The following TESK2 variants were observed in gnomAD, a reference collection of about 807,000 sequenced individuals.
TESK2 encodes the protein dual specificity testis-specific protein kinase 2.
In TESK2, 39 loss-of-function variants were observed where a neutral mutation model predicts 57.1. The ratio of observed to expected loss-of-function variants is 0.68; its 90% CI spans 0.53 to 0.89. The LOEUF (loss-of-function observed/expected upper bound fraction) is 0.89. TESK2 is among the 40% of genes least tolerant of loss of function. TESK2 has a pLI of 0.00. For synonymous variants in TESK2, 249 were observed against 267.9 expected (o/e 0.93, Z 0.69); for missense variants, 646 against 732.1 (o/e 0.88, Z 1.36).
At chr1:45,385,486 G>C (rs1648851412) in intron 4 of TESK2, 1 of 282,018 alleles carries the variant, frequency 3.5e-6, no homozygotes, top group Non-Finnish European at 5.3e-6. Flanking sequence ...TTACCAGGTG[G>C]TCTGGTAATT....
intron 1 of TESK2, among the ~76,000 whole-genome samples, chr1:45,484,686 T>A (rs1653383265): frequency 6.6e-6 from 1 of 151,014 alleles, no homozygotes; most frequent in Admixed American, 6.6e-5. Context: ...AAGCCGAGAC[T>A]GCGCCACTGC....
Position 45,468,579 on chromosome 1 carries a change from T to C in TESK2, c.-86-10708A>G, listed in dbSNP as rs1330103991. The stretch of plus-strand genomic sequence containing the variant: ...AAGAAAATACATTATTTCAAATATA[T>C]GACATTTTATGATGGTTTCTGCCTC... On this transcript the variant is annotated intron_variant, in intron 1 of 10. Coordinates refer to ENST00000372086, the MANE Select transcript of TESK2 (RefSeq NM_007170.3). Among the ~76,000 whole-genome samples, 15 of 152,332 alleles carry C rather than the reference T, an allele frequency of 9.8e-5. No individual in the cohort carries two copies. In the East Asian group the frequency reaches 2.9e-3, roughly 29 times the overall value.
intron 1 of TESK2, among the ~76,000 whole-genome samples, chr1:45,474,683 G>C (rs1399463562): frequency 6.6e-6 from 1 of 151,500 alleles, no homozygotes; most frequent in African/African-American, 2.4e-5. Flanking sequence ...ATGTTGGTCA[G>C]GCTAGTCTCG....
At chr1:45,420,723 T>C (rs1650437484) in intron 3 of TESK2, among the ~76,000 whole-genome samples, 1 of 151,884 alleles carries the variant, frequency 6.6e-6, no homozygotes, top group African/African-American at 2.4e-5. Flanking sequence ...TGGCTGGGAC[T>C]ATAGGCACGT....
chr1:45,418,448 T>C (rs555980648), intron 3 of TESK2, among the ~76,000 whole-genome samples: 1 of 152,306 alleles, frequency 6.6e-6, no homozygotes, highest in East Asian at 1.9e-4. Flanking sequence ...CTACAATCCT[T>C]TGGATTTATG....
chr1:45,448,663 A>T (rs926418934), intron 2 of TESK2, among the ~76,000 whole-genome samples: 3 of 152,164 alleles, frequency 2.0e-5, no homozygotes, highest in African/African-American at 7.2e-5. Flanking sequence ...CACCGACGGG[A>T]TGGTACTAAA....
intron 1 of TESK2, among the ~76,000 whole-genome samples, chr1:45,474,887 C>T (rs1570767858): frequency 6.6e-6 from 1 of 150,772 alleles, no homozygotes; most frequent in Admixed American, 6.6e-5. Context: ...ATATTGGACC[C>T]GATGCAAATA....
intron 4 of TESK2, among the ~76,000 whole-genome samples, chr1:45,372,863 T>C (rs1648252803): frequency 6.6e-6 from 1 of 150,554 alleles, no homozygotes; most frequent in Non-Finnish European, 1.5e-5. Flanking sequence ...ACCCCATCTC[T>C]ACTAAAAATA....
At position 45,423,783 on chromosome 1, in the gene TESK2, T is replaced by G. The variant is rs755924486; in HGVS notation, c.223-1937A>C. Among the ~76,000 whole-genome samples, 43 of 152,252 alleles carry G rather than the reference T, an allele frequency of 2.8e-4. 1 individual carries two copies. In the Middle Eastern group the frequency reaches 0.034, roughly 120 times the overall value. On this transcript the variant is annotated intron_variant, in intron 2 of 10. Coordinates refer to ENST00000372086, the MANE Select transcript of TESK2 (RefSeq NM_007170.3). ...TAAAAGTATTCGCCCTCTATAGAAC[T>G]CAATCTATTGTGCATGTGTAAATAT...
At chr1:45,437,778 C>A (rs1235924917) in intron 2 of TESK2, among the ~76,000 whole-genome samples, 2 of 152,060 alleles carry the variant, frequency 1.3e-5, no homozygotes, top group African/African-American at 4.8e-5. Context: ...TTATAAAATA[C>A]TTTTTCTAGA....
chr1:45,426,342 C>G (rs1433565337), intron 2 of TESK2, among the ~76,000 whole-genome samples: 2 of 152,108 alleles, frequency 1.3e-5, no homozygotes, highest in Non-Finnish European at 1.5e-5. Flanking sequence ...GTACCAAGAA[C>G]ATACATTGGG....
intron 3 of TESK2, among the ~76,000 whole-genome samples, chr1:45,412,491 C>T (rs549424230): frequency 3.9e-4 from 60 of 152,278 alleles, no homozygotes; most frequent in African/African-American, 1.4e-3. Context: ...TTAGCTAATG[C>T]TAGTCTATTT....
chr1:45,439,205 A>C (rs1024037614), intron 2 of TESK2, among the ~76,000 whole-genome samples: 1 of 152,232 alleles, frequency 6.6e-6, no homozygotes. Flanking sequence ...CACTGCAAGA[A>C]ATTTACAGTT....
chr1:45,479,746 A>T (rs1041430899), intron 1 of TESK2, among the ~76,000 whole-genome samples: 1 of 151,910 alleles, frequency 6.6e-6, no homozygotes, highest in South Asian at 2.1e-4. Flanking sequence ...TGATCTTCAC[A>T]ATAATTGTTT....
chr1:45,490,236 C>A (rs1653660352), intron 1 of TESK2, among the ~76,000 whole-genome samples: 1 of 152,202 alleles, frequency 6.6e-6, no homozygotes, highest in Non-Finnish European at 1.5e-5. Context: ...CAGAGGTATA[C>A]AATTTAAAGA....
In TESK2 at chr1:45,457,764, A is replaced by T. The variant is rs1302236742; in HGVS notation, c.22T>A (p.Ser8Thr). 6.2e-7 allele frequency: 1 copy of T among 1,614,030 alleles called. No individual in the cohort carries two copies. The highest frequency in any genetic ancestry group is 2.2e-5 in the East Asian group (1 of 44,878). MDRSKRNSIAGFPPRVER... is the reference protein window; with the variant it reads MDRSKRNTIAGFPPRVER... ...ACACGTGGAGGAAATCCTGCAATTG[A>T]ATTCCGTTTGCTCCGATCCATAGTC... Residue 8 changes from serine to threonine, a missense_variant, in exon 2 of 11, where the codon TCA (serine) becomes ACA (threonine). Physicochemically the swap from Ser to Thr is moderately conservative, Grantham distance 58 (BLOSUM62 1). Transcript: ENST00000372086.
At position 45,345,263 on chromosome 1, in the gene TESK2, A is replaced by C; in HGVS notation, c.1293T>G (p.Asp431Glu). The C allele has an allele frequency of 6.2e-7, 1 of 1,614,210 alleles. No individual in the cohort carries two copies. The highest frequency in any genetic ancestry group is 1.3e-5 in the African/African-American group (1 of 75,054). ...KSVISLVFDL[D>E]APGPGTMPLA... ...GGGGCATAGTTCCGGGCCCTGGTGC[A>C]TCCAGGTCAAATACCAGAGAGATGA... Residue 431 changes from aspartate (D) to glutamate (E), a missense_variant, in exon 11 of 11, where the codon GAT becomes GAG. Coordinates refer to ENST00000372086, the MANE Select transcript of TESK2 (RefSeq NM_007170.3).
chr1:45,365,389 T>C (rs1366313367), intron 4 of TESK2, among the ~76,000 whole-genome samples: 1 of 152,248 alleles, frequency 6.6e-6, no homozygotes, highest in East Asian at 1.9e-4. Context: ...ACGTTGTTAA[T>C]AACCCAAAAT....
chr1:45,462,958 T>C (rs1249628842), intron 1 of TESK2, among the ~76,000 whole-genome samples: 1 of 152,210 alleles, frequency 6.6e-6, no homozygotes, highest in Non-Finnish European at 1.5e-5. Context: ...CTCATTGTAG[T>C]TTTGATGTGC....
Sources: gnomAD v4.1 joint callset for allele counts (sites outside exome capture counted in the v4.1 genomes callset) on GRCh38, gnomAD v4.1.1 for gene constraint, MANE v1.5 for transcripts, NCBI Gene and HGNC (gene_info 2026-07-23, HGNC 2026-07-21) for gene names.